Variants in MAGI2 observed in about 807,000 individuals in gnomAD.
MAGI2 encodes membrane-associated guanylate kinase, WW and PDZ domain-containing protein 2.
MAGI2 carries 35 observed loss-of-function variants against 133.3 expected under a neutral mutation model. That is an observed-to-expected ratio of 0.26 (90% confidence interval 0.20 to 0.35). The LOEUF is 0.35. MAGI2 is among the 10% of genes least tolerant of loss of function. MAGI2 has a pLI of 1.00. For synonymous variants in MAGI2, 729 were observed against 710.6 expected, an observed-to-expected ratio of 1.03 and a Z score of -0.41; for missense variants, 1,636 against 1,863.4, an observed-to-expected ratio of 0.88 and a Z score of 2.25.
chr7:78,369,262 A>T, intron 6 of MAGI2, 49 bp from the exon 7 acceptor site: 1 of 1,230,746 alleles, frequency 8.1e-7, no homozygotes, highest in Non-Finnish European at 1.2e-6. Context: ...CACAATTTCT[A>T]ATAAAAAGTA....
chr7:78,096,737 G>A (rs1354595015), intron 20 of MAGI2, among the ~76,000 whole-genome samples: 2 of 152,114 alleles, frequency 1.3e-5, no homozygotes, highest in African/African-American at 4.8e-5. Flanking sequence ...GTAGTTACAT[G>A]AGAGACTGCA....
intron 21 of MAGI2, among the ~76,000 whole-genome samples, chr7:78,066,475 AAT>A (rs1156850534): frequency 3.4e-5 from 5 of 148,460 alleles, no homozygotes; most frequent in Admixed American, 6.7e-5. Context: ...AAAAAAAAAA[AAT>A]TCATAGTTGA....
At chr7:78,941,970 G>T (rs1045508268) in intron 2 of MAGI2, among the ~76,000 whole-genome samples, 27 of 151,886 alleles carry the variant, frequency 1.8e-4, no homozygotes, top group Non-Finnish European at 2.1e-4. Flanking sequence ...AACCAGACTT[G>T]CCTATTAAGC....
chr7:78,464,542 C>T (rs6466236), intron 6 of MAGI2, among the ~76,000 whole-genome samples: 11,299 of 152,002 alleles, frequency 0.074, 454 homozygotes, highest in East Asian at 0.12. Flanking sequence ...GCAAGTAAGA[C>T]TCAAAAGTGT....
intron 3 of MAGI2, among the ~76,000 whole-genome samples, chr7:78,540,279 T>C (rs1399151571): frequency 6.6e-6 from 1 of 152,130 alleles, no homozygotes; most frequent in Non-Finnish European, 1.5e-5. Flanking sequence ...GGATGGGGTG[T>C]GGTTCTCAGG....
intron 2 of MAGI2, among the ~76,000 whole-genome samples, chr7:78,897,447 A>T (rs545548435): frequency 6.6e-6 from 1 of 152,294 alleles, no homozygotes; most frequent in South Asian, 2.1e-4. Flanking sequence ...TCAGCTGAAA[A>T]TGGCTTTCAA....
At chr7:78,551,330 A>G (rs1799315837) in intron 3 of MAGI2, among the ~76,000 whole-genome samples, 1 of 152,326 alleles carries the variant, frequency 6.6e-6, no homozygotes, top group Middle Eastern at 3.4e-3. Context: ...GCAAGTTTAC[A>G]CTGTTTTTTT....
At chr7:78,048,644 T>A (rs1811681757) in intron 21 of MAGI2, among the ~76,000 whole-genome samples, 1 of 152,240 alleles carries the variant, frequency 6.6e-6, no homozygotes, top group South Asian at 2.1e-4. Flanking sequence ...CTCATATTTG[T>A]ATAAGCTGGA....
chr7:78,941,998 G>A (rs1363073709), intron 2 of MAGI2, among the ~76,000 whole-genome samples: 1 of 151,998 alleles, frequency 6.6e-6, no homozygotes, highest in Non-Finnish European at 1.5e-5. Context: ...TTCATATTTT[G>A]AGTAATGTGA....
rs565018794 is a variant in MAGI2 at position 78,217,723 on chromosome 7, G to T, written c.2048-16530C>A. On this transcript the variant is annotated intron_variant, in intron 10 of 21. Coordinates refer to ENST00000354212, the MANE Select transcript of MAGI2 (RefSeq NM_012301.4). ...CAATTTGCCATAGCAAGATGGCAGG[G>T]CATTATGCAATTAGCAGACTAGTTA... Among the ~76,000 whole-genome samples the T allele has an allele frequency of 3.3e-5, 5 of 152,272 alleles. No individual in the cohort carries two copies. In the East Asian group the frequency reaches 9.6e-4, roughly 29 times the overall value.
At chr7:78,463,178 G>C (rs902048588) in intron 6 of MAGI2, among the ~76,000 whole-genome samples, 3 of 152,206 alleles carry the variant, frequency 2.0e-5, no homozygotes, top group Admixed American at 1.3e-4. Context: ...CCAAAAAGAT[G>C]TGCCTGCTGA....
chr7:78,229,204 T>C (rs1404525260), intron 10 of MAGI2, among the ~76,000 whole-genome samples: 1 of 152,272 alleles, frequency 6.6e-6, no homozygotes, highest in Non-Finnish European at 1.5e-5. Context: ...CAAGATTTAT[T>C]GAGCACAGCT....
intron 10 of MAGI2, among the ~76,000 whole-genome samples, chr7:78,232,582 G>A (rs181083563): frequency 5.4e-4 from 82 of 152,194 alleles, no homozygotes; most frequent in Non-Finnish European, 9.6e-4. Context: ...AAAGGACTAG[G>A]CATCTTCCAG....
chr7:78,764,543 A>ATT (rs201164504), intron 2 of MAGI2, among the ~76,000 whole-genome samples: 2 of 152,388 alleles, frequency 1.3e-5, no homozygotes, highest in South Asian at 4.1e-4. Flanking sequence ...CCATTTAATG[A>ATT]TTTTTTCCCC....
chr7:78,965,162 A>G (rs1465315533), intron 2 of MAGI2, among the ~76,000 whole-genome samples: 1 of 151,418 alleles, frequency 6.6e-6, no homozygotes, highest in African/African-American at 2.4e-5. Context: ...CTGTTAATCT[A>G]AATCTAAATC....
At chr7:79,171,759 TATATATATATA>T (rs1343499326) in intron 1 of MAGI2, among the ~76,000 whole-genome samples, 3 of 37,118 alleles carry the variant, frequency 8.1e-5, no homozygotes, top group African/African-American at 2.2e-4. Context: ...TATATATATA[TATATATATATA>T]TTTTTTTTTT....
At chr7:79,238,453 T>C (rs1832102223) in intron 1 of MAGI2, among the ~76,000 whole-genome samples, 1 of 152,192 alleles carries the variant, frequency 6.6e-6, no homozygotes, top group Middle Eastern at 3.2e-3. Context: ...CAAAGCCATG[T>C]TTATAAACTA....
chr7:78,134,966 GGTGA>G, intron 17 of MAGI2, 51 bp downstream of exon 17: 1 of 1,511,870 alleles, frequency 6.6e-7, no homozygotes, highest in Non-Finnish European at 9.1e-7. Flanking sequence ...GAGAACACCC[GGTGA>G]GTGTGTCCAT....
chr7:78,038,269 A>T (rs1321396988), intron 21 of MAGI2, among the ~76,000 whole-genome samples: 2 of 152,174 alleles, frequency 1.3e-5, no homozygotes, highest in Non-Finnish European at 2.9e-5. Flanking sequence ...GAGATCACTC[A>T]TTCCCCTTTC....
Sources: allele counts gnomAD v4.1 joint callset (sites outside exome capture counted in the v4.1 genomes callset), GRCh38; gene constraint gnomAD v4.1.1; transcripts MANE v1.5; gene names NCBI Gene and HGNC (gene_info 2026-07-23, HGNC 2026-07-21).